Variants in RPGRIP1L observed in about 807,000 individuals in gnomAD.
RPGRIP1L encodes RPGRIP1 like.
A neutral mutation model predicts 160.4 loss-of-function variants in RPGRIP1L; 131 were observed. That is an observed-to-expected ratio of 0.82 (90% CI 0.71 to 0.94). RPGRIP1L has a LOEUF of 0.94. Among genes scored for constraint, RPGRIP1L ranks in the 40% least tolerant of loss-of-function variants. The pLI, the probability that RPGRIP1L is intolerant of heterozygous loss-of-function variation, is 0.00. For missense variants in RPGRIP1L, 1,522 were observed against 1,535.8 expected, an observed-to-expected ratio of 0.99 and a Z score of 0.15; for synonymous variants, 510 against 515.8, an observed-to-expected ratio of 0.99 and a Z score of 0.15.
At chr16:53,697,050 T>A (rs575820655) in intron 2 of RPGRIP1L, among the ~76,000 whole-genome samples, 127 of 152,070 alleles carry the variant, frequency 8.4e-4, no homozygotes, top group African/African-American at 2.9e-3. Flanking sequence ...GAAACTTAGC[T>A]GGGCATGGTG....
At chr16:53,697,892 G>C (rs1232098147) in intron 2 of RPGRIP1L, among the ~76,000 whole-genome samples, 2 of 150,990 alleles carry the variant, frequency 1.3e-5, no homozygotes, top group African/African-American at 4.9e-5. Context: ...TCTCTGCCCG[G>C]CCGCCATCCC....
chr16:53,607,911 T>G, intron 25 of RPGRIP1L: 2 of 855,302 alleles, frequency 2.3e-6, no homozygotes, highest in Non-Finnish European at 2.8e-6. Context: ...ACACAAATCT[T>G]TTATCTTACT....
At chr16:53,607,894 GACAC>G (rs1433961654) in intron 25 of RPGRIP1L, 2 of 599,486 alleles carry the variant, frequency 3.3e-6, no homozygotes, top group Admixed American at 6.4e-5. Flanking sequence ...ATAACGAAAA[GACAC>G]ACACACAAAT....
At chr16:53,605,038 G>A (rs948948263) in intron 26 of RPGRIP1L, among the ~76,000 whole-genome samples, 3 of 151,790 alleles carry the variant, frequency 2.0e-5, no homozygotes, top group African/African-American at 4.8e-5. Context: ...AAAATTAGCC[G>A]GGCATGGTGA....
chr16:53,625,139 C>G (rs1210495475), intron 22 of RPGRIP1L, among the ~76,000 whole-genome samples: 2 of 152,208 alleles, frequency 1.3e-5, no homozygotes, highest in African/African-American at 4.8e-5. Context: ...AGCCGCCTGC[C>G]TTGGCCTCCC....
At chr16:53,630,299 C>T (rs1965440791) in intron 22 of RPGRIP1L, among the ~76,000 whole-genome samples, 1 of 152,126 alleles carries the variant, frequency 6.6e-6, no homozygotes, top group East Asian at 1.9e-4. Context: ...ATCCTCTTGC[C>T]TTGGACTTCC....
rs773760213 is a variant in RPGRIP1L at position 53,645,867 on chromosome 16, T to C, written c.2441A>G (p.Tyr814Cys). Residue 814 changes from tyrosine to cysteine, a missense_variant, in exon 17 of 27, where the codon TAT (tyrosine) becomes TGT (cysteine). Transcript: ENST00000647211. The part of the protein sequence containing the change: ...SRASHLQPHP[Y>C]VVYKFFDFAD... ...AAAATCAAAAAACTTGTACACAACA[T>C]ATGGGTGTGGCTGCAGGTGGCTTGC... 4 of 1,614,074 alleles carry C rather than the reference T, an allele frequency of 2.5e-6. No individual in the cohort carries two copies. The highest frequency in any genetic ancestry group is 1.1e-5 in the South Asian group (1 of 91,072).
intron 24 of RPGRIP1L, among the ~76,000 whole-genome samples, chr16:53,615,470 A>T (rs202125413): frequency 0.24 from 20,415 of 84,620 alleles, 3,246 homozygotes; most frequent in African/African-American, 0.46. Context: ...ATATATATAT[A>T]TATTTTTTTT....
intron 2 of RPGRIP1L, among the ~76,000 whole-genome samples, chr16:53,699,823 A>G (rs1971240673): frequency 7.5e-6 from 1 of 132,606 alleles, no homozygotes. Flanking sequence ...GTCTCAAAAA[A>G]AAAAAAAAAA....
At chr16:53,671,730 T>G (rs1158544273) in intron 8 of RPGRIP1L, 147 bp from the exon 9 acceptor site, 1 of 534,964 alleles carries the variant, frequency 1.9e-6, no homozygotes, top group East Asian at 3.1e-5. Context: ...AGACCACTTA[T>G]ATTGTCTGCA....
At chr16:53,700,298 A>G (rs945313666) in intron 2 of RPGRIP1L, among the ~76,000 whole-genome samples, 8 of 152,252 alleles carry the variant, frequency 5.3e-5, no homozygotes, top group Non-Finnish European at 5.9e-5. Context: ...AAACACAAAG[A>G]AATGTTTTAA....
chr16:53,684,228 C>A (rs1969821349), intron 6 of RPGRIP1L, among the ~76,000 whole-genome samples: 1 of 152,062 alleles, frequency 6.6e-6, no homozygotes, highest in Non-Finnish European at 1.5e-5. Flanking sequence ...TTTGACCCAG[C>A]CATCCCATTA....
At chr16:53,668,741 TAG>T (rs1475036743) in intron 9 of RPGRIP1L, among the ~76,000 whole-genome samples, 4 of 152,330 alleles carry the variant, frequency 2.6e-5, no homozygotes, top group African/African-American at 4.8e-5. Flanking sequence ...TACCACAGTA[TAG>T]AGTTTCTCTC....
At chr16:53,694,194 G>C (rs960050958) in intron 3 of RPGRIP1L, 1 of 152,076 alleles carries the variant, frequency 6.6e-6, no homozygotes, top group Admixed American at 6.5e-5. Context: ...AACACTTTGG[G>C]AGGCCAAGGC....
chr16:53,655,728 A>G (rs12599095), intron 14 of RPGRIP1L: 7,803 of 152,356 alleles, frequency 0.051, 398 homozygotes, highest in East Asian at 0.3. Flanking sequence ...TGGGCCCCAG[A>G]ACCTCTAGGG....
rs1964568047 is a variant in RPGRIP1L at position 53,619,266 on chromosome 16, T to A, written c.3433-58A>T. The A allele has an allele frequency of 1.3e-5, 20 of 1,491,842 alleles. No homozygotes were observed. The South Asian group carries it at 2.0e-4, about 15-fold the overall frequency. The allele number at this position is 1,491,842 out of a possible 1,614,324, so 92.4% of individuals were successfully genotyped here. On this transcript the variant is annotated intron_variant, in intron 23 of 26. Coordinates refer to ENST00000647211, the MANE Select transcript of RPGRIP1L (RefSeq NM_015272.5). ...GAAATAAAATAATTGAACAAAAAGATCCACTATTACTTTCCACTATCAATT... is the reference window on the plus strand; with the variant it reads ...GAAATAAAATAATTGAACAAAAAGAACCACTATTACTTTCCACTATCAATT...
At chr16:53,633,558 T>C (rs1380004057) in intron 22 of RPGRIP1L, among the ~76,000 whole-genome samples, 1 of 152,196 alleles carries the variant, frequency 6.6e-6, no homozygotes, top group Non-Finnish European at 1.5e-5. Flanking sequence ...AATAAGATGC[T>C]ATAAATGGTA....
chr16:53,668,049 T>C (rs1968420563), intron 9 of RPGRIP1L, among the ~76,000 whole-genome samples: 1 of 150,718 alleles, frequency 6.6e-6, no homozygotes. Context: ...CAGAGCAAGA[T>C]CCTGTCTCTC....
rs1567782488 is a variant in RPGRIP1L, at chr16:53,598,217, A to C, written c.*3859T>G. On this transcript the variant is annotated 3_prime_UTR_variant, in exon 27 of 27. Coordinates refer to ENST00000647211, the MANE Select transcript of RPGRIP1L (RefSeq NM_015272.5). ...AATGGTGCACAGTGAAGACAGAGGT[A>C]ATGCTGTTCTAGGGATGAAAAAGGT... The C allele has an allele frequency of 3.9e-5, 6 of 152,176 alleles. No individual in the cohort carries two copies. Among genetic ancestry groups the C allele is most frequent in the South Asian group, 2.1e-4 (1 of 4,824 alleles). The allele number at this position is 152,176 out of a possible 1,614,324, so 9.4% of individuals were successfully genotyped here. A position where few individuals can be genotyped will look rare whatever the true frequency, so the allele number is the denominator to read the frequency against.
Sources: allele counts gnomAD v4.1 joint callset (sites outside exome capture counted in the v4.1 genomes callset), GRCh38; gene constraint gnomAD v4.1.1; transcripts MANE v1.5; gene names NCBI Gene and HGNC (gene_info 2026-07-23, HGNC 2026-07-21).